The following EXT1 variants were observed in gnomAD, a reference collection of about 807,000 sequenced individuals.
EXT1 encodes the protein exostosin-1.
A neutral mutation model predicts 82.5 loss-of-function variants in EXT1; 20 were observed. The ratio of observed to expected loss-of-function variants is 0.24; its 90% CI spans 0.17 to 0.35. The LOEUF (loss-of-function observed/expected upper bound fraction) is 0.35, where lower values mean the gene tolerates loss of function less well. Ranked by LOEUF, EXT1 falls within the 10% of genes least tolerant of loss-of-function variation. EXT1 has a pLI of 1.00. For missense variants in EXT1, 757 were observed against 936.5 expected (o/e 0.81, Z 2.50); for synonymous variants, 348 against 350.8 (o/e 0.99, Z 0.09).
intron 1 of EXT1, among the ~76,000 whole-genome samples, chr8:118,069,428 G>A (rs2129959612): frequency 6.6e-6 from 1 of 152,220 alleles, no homozygotes; most frequent in Non-Finnish European, 1.5e-5. Context: ...TCCCTGGGCT[G>A]GTGATCTCAA....
At chr8:118,079,652 A>ACCGCCC (rs1463662114) in intron 1 of EXT1, among the ~76,000 whole-genome samples, 1 of 145,448 alleles carries the variant, frequency 6.9e-6, no homozygotes, top group Admixed American at 6.8e-5. Flanking sequence ...TTCTTCTAAC[A>ACCGCCC]CCGCCCCCAC....
intron 1 of EXT1, among the ~76,000 whole-genome samples, chr8:118,041,338 A>T (rs1816522872): frequency 6.6e-6 from 1 of 152,162 alleles, no homozygotes; most frequent in African/African-American, 2.4e-5. Flanking sequence ...ACTTGGTCAA[A>T]TTACTCTGCA....
intron 1 of EXT1, among the ~76,000 whole-genome samples, chr8:117,863,723 A>G (rs1011524100): frequency 6.6e-6 from 1 of 152,214 alleles, no homozygotes; most frequent in Admixed American, 6.5e-5. Context: ...CCGGCTCCAG[A>G]TGGCTCCACA....
intron 1 of EXT1, among the ~76,000 whole-genome samples, chr8:117,879,706 C>A (rs1692522231): frequency 6.6e-6 from 1 of 152,188 alleles, no homozygotes; most frequent in Non-Finnish European, 1.5e-5. Flanking sequence ...CATGCACAAT[C>A]TAGAGTTAAG....
chr8:118,000,210 C>T (rs1815632833), intron 1 of EXT1, among the ~76,000 whole-genome samples: 1 of 152,246 alleles, frequency 6.6e-6, no homozygotes, highest in South Asian at 2.1e-4. Context: ...GTATAAAAGA[C>T]AGATGGAAGG....
intron 1 of EXT1, among the ~76,000 whole-genome samples, chr8:117,928,760 CA>C (rs1342389494): frequency 1.4e-5 from 2 of 147,638 alleles, no homozygotes; most frequent in Non-Finnish European, 3.0e-5. Context: ...ACATGTCAGT[CA>C]ATATTAAAAA....
chr8:117,847,217 G>C (rs535183479), intron 1 of EXT1, among the ~76,000 whole-genome samples: 1 of 152,272 alleles, frequency 6.6e-6, no homozygotes, highest in South Asian at 2.1e-4. Flanking sequence ...TAAGATGCAA[G>C]CCCTTCATTA....
intron 1 of EXT1, among the ~76,000 whole-genome samples, chr8:118,041,013 T>G (rs1451385455): frequency 1.3e-5 from 2 of 152,190 alleles, no homozygotes; most frequent in Non-Finnish European, 2.9e-5. Context: ...TAGATGGAAT[T>G]AGGAGAGGTT....
chr8:117,989,331 G>A (rs887295738), intron 1 of EXT1, among the ~76,000 whole-genome samples: 2 of 151,910 alleles, frequency 1.3e-5, no homozygotes, highest in African/African-American at 4.8e-5. Flanking sequence ...CAGCGAAGGG[G>A]TCTCCTTGCT....
intron 1 of EXT1, among the ~76,000 whole-genome samples, chr8:117,838,119 T>A (rs1024640583): frequency 6.6e-6 from 1 of 152,132 alleles, no homozygotes; most frequent in Non-Finnish European, 1.5e-5. Context: ...ACATTATGAG[T>A]TTAAGAAAAC....
intron 1 of EXT1, among the ~76,000 whole-genome samples, chr8:117,917,336 G>A (rs1228776861): frequency 1.3e-5 from 2 of 151,888 alleles, no homozygotes; most frequent in East Asian, 1.9e-4. Flanking sequence ...GTAGTGGTGC[G>A]TGCCTGTAAT....
chr8:117,844,967 T>C (rs1443556173), intron 1 of EXT1, among the ~76,000 whole-genome samples: 1 of 152,204 alleles, frequency 6.6e-6, no homozygotes. Context: ...AAGAATTTAT[T>C]TCCTTGTGAC....
At chr8:117,905,366 C>T (rs1297453928) in intron 1 of EXT1, among the ~76,000 whole-genome samples, 1 of 152,194 alleles carries the variant, frequency 6.6e-6, no homozygotes, top group Non-Finnish European at 1.5e-5. Flanking sequence ...TCATCAAGGT[C>T]AGAGTCCACA....
chr8:117,959,115 T>C (rs139637939), intron 1 of EXT1, among the ~76,000 whole-genome samples: 3 of 152,244 alleles, frequency 2.0e-5, no homozygotes, highest in Non-Finnish European at 2.9e-5. Context: ...ACCTGAGAAA[T>C]TCCAACAGGT....
intron 1 of EXT1, among the ~76,000 whole-genome samples, chr8:117,851,886 T>A (rs191270991): frequency 1.3e-3 from 199 of 152,244 alleles, no homozygotes; most frequent in African/African-American, 4.6e-3. Context: ...GGCCCCAGTA[T>A]AGTCTGAAAA....
intron 1 of EXT1, among the ~76,000 whole-genome samples, chr8:117,865,829 T>C (rs978476721): frequency 3.3e-5 from 5 of 152,140 alleles, no homozygotes; most frequent in African/African-American, 1.2e-4. Context: ...TTACCATCAG[T>C]TGAAGGGAGA....
intron 1 of EXT1, among the ~76,000 whole-genome samples, chr8:118,015,181 C>T (rs2129843887): frequency 6.6e-6 from 1 of 152,336 alleles, no homozygotes; most frequent in South Asian, 2.1e-4. Context: ...CTTTAAACTG[C>T]TGGATCAGTA....
intron 1 of EXT1, among the ~76,000 whole-genome samples, chr8:118,086,993 C>CA (rs1191091743): frequency 6.6e-6 from 1 of 152,194 alleles, no homozygotes; most frequent in Non-Finnish European, 1.5e-5. Context: ...ATAAAACTGT[C>CA]ACCATGAAAT....
At position 118,110,918 on chromosome 8, in the gene EXT1, C is replaced by T; in HGVS notation, c.129G>A (p.Arg43=). The change falls in exon 1 of 11, where the codon AGG becomes AGA. Residue 43 remains arginine, a synonymous_variant. Transcript: ENST00000378204. ...SHSRREEHSG[R]NGLHHPSPDH... ...CCGGACTGGGGTGGTGCAAGCCATT[C>T]CTACCGCTGTGTTCTTCTCTCCGGC... 6.2e-7 allele frequency: 1 copy of T among 1,614,050 alleles called. No individual in the cohort carries two copies. Among genetic ancestry groups the T allele is most frequent in the Non-Finnish European group, 8.5e-7 (1 of 1,180,038 alleles).
Sources: allele counts gnomAD v4.1 joint callset (sites outside exome capture counted in the v4.1 genomes callset), GRCh38; gene constraint gnomAD v4.1.1; transcripts MANE v1.5; gene names NCBI Gene and HGNC (gene_info 2026-07-23, HGNC 2026-07-21).